JADE3: variants seen among roughly 807,000 people sequenced by gnomAD.
JADE3 encodes protein Jade-3.
Under a neutral mutation model 50.1 loss-of-function variants are expected in JADE3, and 2 were observed. The ratio of observed to expected loss-of-function variants is 0.04; its 90% CI spans 0.02 to 0.13. JADE3 has a LOEUF of 0.13. JADE3 is among the 10% of genes least tolerant of loss of function. JADE3 has a pLI of 1.00. For synonymous variants in JADE3, 218 were observed against 232.9 expected (o/e 0.94, Z 0.58); for missense variants, 475 against 634.4 (o/e 0.75, Z 2.70).
chrX:46,944,370 A>T (rs1233029200), intron 1 of JADE3, among the ~76,000 whole-genome samples: 2 of 103,343 alleles, frequency 1.9e-5, no homozygotes, highest in African/African-American at 7.2e-5. Flanking sequence ...CAATGGTGTG[A>T]TCTTGGCTCA....
rs1414274186 is a variant in JADE3, at chrX:46,912,715, C to G, written c.-16C>G. 2 of 111,791 alleles carry G rather than the reference C, an allele frequency of 1.8e-5. No homozygotes were observed. Among genetic ancestry groups the G allele is most frequent in the African/African-American group, 6.4e-5 (2 of 31,097 alleles). 9.2% of individuals were successfully genotyped at this position (111,791 alleles called of 1,213,427 possible). The stretch of plus-strand genomic sequence containing the variant: ...GGGCAGGAGCCGCGAGCCAGCTGCG[C>G]GAAGGTAGGCGCCGCGGAGGCCGGA... On this transcript the variant is annotated 5_prime_UTR_variant, in exon 1 of 11. Coordinates refer to ENST00000614628, the MANE Select transcript of JADE3 (RefSeq NM_014735.5).
intron 1 of JADE3, among the ~76,000 whole-genome samples, chrX:46,914,292 A>G (rs1035715906): frequency 4.5e-5 from 5 of 111,963 alleles, no homozygotes; most frequent in Non-Finnish European, 9.4e-5. Flanking sequence ...TAATACTTCC[A>G]AAACATCTGT....
intron 1 of JADE3, among the ~76,000 whole-genome samples, chrX:46,966,079 GGAA>G (rs1927358797): frequency 8.9e-6 from 1 of 111,948 alleles, no homozygotes; most frequent in Non-Finnish European, 1.9e-5. Flanking sequence ...ACATTGATTT[GGAA>G]GATTATTTTA....
chrX:47,051,121 G>A (rs1359710243), intron 8 of JADE3, among the ~76,000 whole-genome samples: 1 of 110,534 alleles, frequency 9.0e-6, no homozygotes, highest in Non-Finnish European at 1.9e-5. Context: ...AGTGGAGGGG[G>A]AGGTGTATAG....
Position 46,925,277 on chromosome X carries a change from G to A in JADE3, c.-12+12558G>A, listed in dbSNP as rs191143092. Among the ~76,000 whole-genome samples, 486 of 112,036 alleles carry A rather than the reference G, an allele frequency of 4.3e-3. 3 individuals are homozygous for A. Among genetic ancestry groups the A allele is most frequent in the Middle Eastern group, 0.027 (6 of 219 alleles). ...TCTGTTTGACTGTAGAAATTGCTGT[G>A]TGAAATATCATGCCATCTAATAACT... On this transcript the variant is annotated intron_variant, in intron 1 of 10. Coordinates refer to ENST00000614628, the MANE Select transcript of JADE3 (RefSeq NM_014735.5).
At chrX:47,052,210 G>GC (rs200313123) in intron 8 of JADE3, among the ~76,000 whole-genome samples, 33 of 105,786 alleles carry the variant, frequency 3.1e-4, no homozygotes, top group Admixed American at 1.1e-3. Context: ...TTCCCCCTTT[G>GC]CCCCCCCCTA....
intron 1 of JADE3, among the ~76,000 whole-genome samples, chrX:46,928,849 G>C (rs1020271614): frequency 6.3e-5 from 7 of 111,691 alleles, no homozygotes; most frequent in African/African-American, 2.0e-4. Flanking sequence ...CTGGCCTCAA[G>C]TGATTCTCCT....
chrX:47,021,086 TA>T (rs1316176445), intron 4 of JADE3, among the ~76,000 whole-genome samples: 35 of 99,647 alleles, frequency 3.5e-4, no homozygotes, highest in African/African-American at 4.0e-4. Flanking sequence ...GAGAACTACC[TA>T]AAAAAAAAAA....
At chrX:46,968,008 A>T (rs1308554711) in intron 1 of JADE3, among the ~76,000 whole-genome samples, 2 of 111,534 alleles carry the variant, frequency 1.8e-5, no homozygotes, top group Non-Finnish European at 3.8e-5. Flanking sequence ...TTACAAAGTG[A>T]CTTGCTTTCT....
At chrX:46,997,382 G>A (rs1602400911) in intron 3 of JADE3, among the ~76,000 whole-genome samples, 1 of 111,491 alleles carries the variant, frequency 9.0e-6, no homozygotes, top group East Asian at 2.8e-4. Context: ...GCTGGGCATG[G>A]TGGTATGTGC....
At chrX:47,048,451 G>T (rs1162582714) in intron 8 of JADE3, among the ~76,000 whole-genome samples, 2 of 111,938 alleles carry the variant, frequency 1.8e-5, no homozygotes, top group East Asian at 5.5e-4. Flanking sequence ...CAACCCAAAT[G>T]TCCATCAACT....
At chrX:46,983,692 C>T (rs1451151944) in intron 1 of JADE3, among the ~76,000 whole-genome samples, 2 of 111,915 alleles carry the variant, frequency 1.8e-5, no homozygotes, top group East Asian at 2.8e-4. Flanking sequence ...CCAAATACTG[C>T]AGACTTTGAC....
chrX:47,057,406 TAGA>T (rs1410315246), intron 10 of JADE3, among the ~76,000 whole-genome samples: 6 of 111,644 alleles, frequency 5.4e-5, no homozygotes, highest in Non-Finnish European at 7.5e-5. Context: ...CTTGAAATAA[TAGA>T]AGAAGACCTG....
intron 6 of JADE3, 75 bp downstream of exon 6, chrX:47,028,178 A>T (rs1402595085): frequency 1.4e-6 from 1 of 693,951 alleles, no homozygotes; most frequent in Non-Finnish European, 2.2e-6. Flanking sequence ...CAGCACGCAT[A>T]TCTGGGTAGC....
intron 1 of JADE3, among the ~76,000 whole-genome samples, chrX:46,913,292 G>A (rs1926006995): frequency 9.1e-6 from 1 of 110,363 alleles, no homozygotes; most frequent in Non-Finnish European, 1.9e-5. Flanking sequence ...GTGCGGCGAG[G>A]CACCCCGGGA....
At chrX:46,935,312 GTTA>G (rs1368765321) in intron 1 of JADE3, among the ~76,000 whole-genome samples, 1 of 111,801 alleles carries the variant, frequency 8.9e-6, no homozygotes, top group Non-Finnish European at 1.9e-5. Context: ...AAATTCAATT[GTTA>G]TTATTCCTCC....
intron 1 of JADE3, among the ~76,000 whole-genome samples, chrX:46,947,344 T>C (rs1472083643): frequency 9.0e-6 from 1 of 111,433 alleles, no homozygotes; most frequent in African/African-American, 3.3e-5. Context: ...GAAACTGCGG[T>C]GTTCTTGTCC....
chrX:47,018,663 T>C (rs1424756681), intron 4 of JADE3, among the ~76,000 whole-genome samples: 2 of 112,215 alleles, frequency 1.8e-5, no homozygotes, highest in Admixed American at 1.9e-4. Context: ...TTTATCTTAT[T>C]TAAAATTTAA....
chrX:46,977,744 C>T (rs1165509527), intron 1 of JADE3, among the ~76,000 whole-genome samples: 2 of 111,249 alleles, frequency 1.8e-5, no homozygotes, highest in African/African-American at 6.5e-5. Context: ...AGAGGGTAAC[C>T]GGGTAAGGAA....
Sources: gnomAD v4.1 joint callset for allele counts (sites outside exome capture counted in the v4.1 genomes callset) on GRCh38, gnomAD v4.1.1 for gene constraint, MANE v1.5 for transcripts, NCBI Gene and HGNC (gene_info 2026-07-23, HGNC 2026-07-21) for gene names.